Variants in ZNF559 observed in about 807,000 individuals in gnomAD.
ZNF559 encodes the protein zinc finger protein 559.
In ZNF559, 17 loss-of-function variants were observed where a neutral mutation model predicts 14.2. The observed-to-expected ratio is 1.20, with a 90% CI of 0.82 to 1.80. The LOEUF is 1.80. Ranked by LOEUF, ZNF559 falls within the 40% of genes most tolerant of loss-of-function variation. The pLI, the probability that ZNF559 is intolerant of heterozygous loss-of-function variation, is 0.00. For synonymous variants in ZNF559, 244 were observed against 212.4 expected, an observed-to-expected ratio of 1.15 and a Z score of -1.29; for missense variants, 740 against 629.7, an observed-to-expected ratio of 1.18 and a Z score of -1.88.
intron 2 of ZNF559, among the ~76,000 whole-genome samples, chr19:9,329,861 A>G (rs1321310272): frequency 6.6e-6 from 1 of 152,146 alleles, no homozygotes; most frequent in Non-Finnish European, 1.5e-5. Context: ...ACGGGGTTTC[A>G]CCATATTGGC....
At chr19:9,337,643 T>C (rs1054076396) in intron 2 of ZNF559, 153 bp from the exon 3 acceptor site, 9 of 343,790 alleles carry the variant, frequency 2.6e-5, no homozygotes, top group South Asian at 3.7e-5. Context: ...TCAACTAATA[T>C]GATAGTAACA....
At chr19:9,339,443 C>G (rs2067422139) in intron 5 of ZNF559, 124 bp downstream of exon 5, 3 of 1,115,846 alleles carry the variant, frequency 2.7e-6, no homozygotes, top group Admixed American at 2.4e-5. Context: ...TTGTTTCCAT[C>G]TCATAGACCT....
At position 9,343,497 on chromosome 19, in the gene ZNF559, A is replaced by G. The variant is rs13535; in HGVS notation, c.*429A>G. 0.59 allele frequency: 601,986 copies of G among 1,015,772 alleles called. 179,810 individuals carry two copies. The highest frequency in any genetic ancestry group is 0.73 in the African/African-American group (42,775 of 58,232). The allele number at this position is 1,015,772 out of a possible 1,614,324, so 62.9% of individuals were successfully genotyped here. A position where few individuals can be genotyped will look rare whatever the true frequency, so the allele number is the denominator to read the frequency against. On this transcript the variant is annotated 3_prime_UTR_variant, in exon 7 of 7. Transcript: ENST00000603380. ...TGTAAGGAATGTGTTGAAACCTTTC[A>G]CTCTGCCTTATACCTTAATATTCAG...
In ZNF559 at chr19:9,342,497, G is replaced by T. The variant is rs867722982; in HGVS notation, c.1046G>T (p.Gly349Val). ...GLIKHRRTHTGEKPYECKECG... is the reference protein window; with the variant it reads ...GLIKHRRTHTVEKPYECKECG... ...ATAAAACACAGGCGAACTCACACTG[G>T]AGAAAAGCCTTATGAATGTAAGGAA... Residue 349 changes from glycine (G) to valine (V), a missense_variant, in exon 7 of 7, where the codon GGA (glycine) becomes GTA (valine). Gly to Val is a moderately radical substitution (Grantham distance 109). Coordinates refer to ENST00000603380, the MANE Select transcript of ZNF559 (RefSeq NM_032497.3). 1 of 1,614,110 alleles carries T rather than the reference G, an allele frequency of 6.2e-7. No individual in the cohort carries two copies. Among genetic ancestry groups the T allele is most frequent in the Non-Finnish European group, 8.5e-7 (1 of 1,180,022 alleles).
rs1168355278 is a variant in ZNF559, at chr19:9,324,679, G to C, written c.-205-16G>C. 2 of 1,505,860 alleles carry C rather than the reference G, an allele frequency of 1.3e-6. No individual in the cohort carries two copies. The highest frequency in any genetic ancestry group is 2.5e-5 in the East Asian group (1 of 40,500). 93.3% of individuals were successfully genotyped at this position (1,505,860 alleles called of 1,614,324 possible). A position where few individuals can be genotyped will look rare whatever the true frequency, so the allele number is the denominator to read the frequency against. On this transcript the variant is annotated splice_polypyrimidine_tract_variant and intron_variant, in intron 1 of 6. Coordinates refer to ENST00000603380, the MANE Select transcript of ZNF559 (RefSeq NM_032497.3). ...AAAAAGTCTCCACATCCAGCGTTGT[G>C]CCTTTTCTCTATAAGGAACAGCATC...
chr19:9,343,528 A>T lies in ZNF559; in HGVS notation c.*460A>T. ...CCTTATACCTTAATATTCAGCTGTGATCTCACAAGTGTGAAAAATCTTATG... is the reference window on the plus strand; with the variant it reads ...CCTTATACCTTAATATTCAGCTGTGTTCTCACAAGTGTGAAAAATCTTATG... On this transcript the variant is annotated 3_prime_UTR_variant, in exon 7 of 7. Transcript: ENST00000603380. 1.0e-6 allele frequency: 1 copy of T among 993,942 alleles called. No homozygotes were observed. Among genetic ancestry groups the T allele is most frequent in the Non-Finnish European group, 1.2e-6 (1 of 834,132 alleles). 61.6% of individuals were successfully genotyped at this position (993,942 alleles called of 1,614,324 possible).
intron 2 of ZNF559, among the ~76,000 whole-genome samples, chr19:9,336,542 C>T (rs1382714224): frequency 6.6e-6 from 1 of 151,874 alleles, no homozygotes; most frequent in Non-Finnish European, 1.5e-5. Flanking sequence ...TTGCAGTGAG[C>T]CAAGATCGCG....
intron 1 of ZNF559, 39 bp from the exon 2 acceptor site, chr19:9,324,656 A>AAG: frequency 7.1e-7 from 1 of 1,415,996 alleles, no homozygotes; most frequent in Non-Finnish European, 9.4e-7. Flanking sequence ...AAAAAAAAAA[A>AAG]AAGTCTCCAC....
At chr19:9,334,545 C>T (rs1223582731) in intron 2 of ZNF559, among the ~76,000 whole-genome samples, 2 of 152,172 alleles carry the variant, frequency 1.3e-5, no homozygotes, top group East Asian at 1.9e-4. Flanking sequence ...ACAAAATTAA[C>T]CTATACCGTT....
chr19:9,330,252 CTCTG>C (rs1261369811), intron 2 of ZNF559: 3 of 152,164 alleles, frequency 2.0e-5, no homozygotes, highest in African/African-American at 7.2e-5. Context: ...TTTCAAAATT[CTCTG>C]TCTTTGACTT....
chr19:9,333,608 G>A (rs2145134825), intron 2 of ZNF559, among the ~76,000 whole-genome samples: 1 of 152,192 alleles, frequency 6.6e-6, no homozygotes, highest in Middle Eastern at 3.4e-3. Context: ...AGGATTGCTT[G>A]AGCCCAGGAG....
rs573186044 is a variant in ZNF559 at position 9,339,704 on chromosome 19, G to C, written c.160+385G>C. ...AGTTATATCTGAGAGGGTTCAGAATGCCCAGACAGCAAAATCTTAGCTCTT... is the reference window on the plus strand; with the variant it reads ...AGTTATATCTGAGAGGGTTCAGAATCCCCAGACAGCAAAATCTTAGCTCTT... On this transcript the variant is annotated intron_variant, in intron 5 of 6. Transcript: ENST00000603380. Among the ~76,000 whole-genome samples the C allele has an allele frequency of 3.3e-5, 5 of 151,918 alleles. No individual in the cohort carries two copies. The East Asian group carries it at 9.7e-4, about 29-fold the overall frequency.
rs747403629 is a variant in ZNF559 at position 9,337,980 on chromosome 19, G to A, written c.-57+122G>A. 43 of 1,535,998 alleles carry A rather than the reference G, an allele frequency of 2.8e-5. No homozygotes were observed. In the South Asian group the frequency reaches 3.7e-4, roughly 13 times the overall value. ...GATATTCAGGCACATTTCACTGTTA[G>A]ACTCACAGGATGCTGGCCATTGGTC... On this transcript the variant is annotated intron_variant, in intron 3 of 6. Transcript: ENST00000603380.
At chr19:9,332,506 G>C (rs1369898269) in intron 2 of ZNF559, among the ~76,000 whole-genome samples, 1 of 152,064 alleles carries the variant, frequency 6.6e-6, no homozygotes, top group Non-Finnish European at 1.5e-5. Flanking sequence ...ACTTGCCTTG[G>C]GGGGATGGTT....
chr19:9,341,534 C>T (rs2067585916), intron 6 of ZNF559, 161 bp from the exon 7 acceptor site: 1 of 1,306,142 alleles, frequency 7.7e-7, no homozygotes, highest in Non-Finnish European at 1.1e-6. Context: ...CTTGAAAACA[C>T]TCAGGTCTGA....
intron 2 of ZNF559, among the ~76,000 whole-genome samples, chr19:9,326,928 G>A (rs2066638969): frequency 6.6e-6 from 1 of 152,110 alleles, no homozygotes; most frequent in Non-Finnish European, 1.5e-5. Flanking sequence ...TTTTAAAGTT[G>A]AATTAAAAGT....
At position 9,342,587 on chromosome 19, in the gene ZNF559, A is replaced by G; in HGVS notation, c.1136A>G (p.Lys379Arg). Residue 379 changes from lysine to arginine, a missense_variant, in exon 7 of 7, where the codon AAG becomes AGG. Physicochemically the swap from Lys to Arg is conservative, Grantham distance 26 (BLOSUM62 2). Transcript: ENST00000603380. ...CATATGAGAACTCACACTGGTGAGAAGCCTTATCAATGTAAGGAATGTGGA... is the reference window on the plus strand; with the variant it reads ...CATATGAGAACTCACACTGGTGAGAGGCCTTATCAATGTAAGGAATGTGGA... Reference protein sequence around the residue: ...TVHMRTHTGEKPYQCKECGKA... With the variant: ...TVHMRTHTGERPYQCKECGKA... 3.1e-6 allele frequency: 5 copies of G among 1,613,782 alleles called. No homozygotes were observed. The highest frequency in any genetic ancestry group is 4.2e-6 in the Non-Finnish European group (5 of 1,179,934).
intron 2 of ZNF559, among the ~76,000 whole-genome samples, chr19:9,337,400 A>G (rs1358019279): frequency 2.6e-5 from 4 of 152,242 alleles, no homozygotes; most frequent in Non-Finnish European, 4.4e-5. Context: ...AAACTGAGCC[A>G]AGTGTCAGTC....
Position 9,343,575 on chromosome 19 carries a change from C to T in ZNF559, c.*507C>T, listed in dbSNP as rs2067668015. ...TATGAATGTAAAATGTGTGGAGATT[C>T]TTCTTTGTTTTTAGCTTCCACTTTG... On this transcript the variant is annotated 3_prime_UTR_variant, in exon 7 of 7. Coordinates refer to ENST00000603380, the MANE Select transcript of ZNF559 (RefSeq NM_032497.3). 2.0e-6 allele frequency: 2 copies of T among 991,448 alleles called. No homozygotes were observed. The highest frequency in any genetic ancestry group is 1.1e-4 in the East Asian group (1 of 8,978). 61.4% of individuals were successfully genotyped at this position (991,448 alleles called of 1,614,324 possible).
Sources: gnomAD v4.1 joint callset for allele counts (sites outside exome capture counted in the v4.1 genomes callset) on GRCh38, gnomAD v4.1.1 for gene constraint, MANE v1.5 for transcripts, NCBI Gene and HGNC (gene_info 2026-07-23, HGNC 2026-07-21) for gene names.